The following CYP2J2 variants were observed in gnomAD, a reference collection of about 807,000 sequenced individuals.
The protein encoded by CYP2J2 is cytochrome P450 2J2.
CYP2J2 carries 41 observed loss-of-function variants against 48.8 expected under a neutral mutation model. The observed-to-expected ratio is 0.84, with a 90% CI of 0.66 to 1.09. The LOEUF (loss-of-function observed/expected upper bound fraction) is 1.09, where lower values mean the gene tolerates loss of function less well. Among genes scored for constraint, CYP2J2 ranks in the 50% least tolerant of loss-of-function variants. CYP2J2 has a pLI of 0.00. For missense variants in CYP2J2, 644 were observed against 617.3 expected (o/e 1.04, Z -0.46); for synonymous variants, 221 against 227.1 (o/e 0.97, Z 0.24).
intron 6 of CYP2J2, among the ~76,000 whole-genome samples, chr1:59,905,302 A>C (rs996390472): frequency 6.6e-5 from 10 of 152,210 alleles, no homozygotes; most frequent in African/African-American, 2.2e-4. Flanking sequence ...TCATTACATC[A>C]GACCCCAGCG....
At chr1:59,934,989 GATATATATATATATATATAT>G in the CYP2J2 span, among the ~76,000 whole-genome samples, 1 of 58,390 alleles carries the variant, frequency 1.7e-5, no homozygotes, top group Non-Finnish European at 3.5e-5. Context: ...AAGAAAATGG[GATATATATATATATATATAT>G]ATATACATAT....
intron 5 of CYP2J2, among the ~76,000 whole-genome samples, chr1:59,908,926 C>T (rs1299982478): frequency 1.3e-5 from 2 of 152,194 alleles, no homozygotes; most frequent in Non-Finnish European, 2.9e-5. Context: ...TAAACTCTGG[C>T]ATCCAACTCA....
chr1:59,960,268 G>A, the CYP2J2 span, among the ~76,000 whole-genome samples: 2 of 152,166 alleles, frequency 1.3e-5, no homozygotes, highest in Non-Finnish European at 2.9e-5. Context: ...TAATTCTCAT[G>A]GAGAAACTCT....
At chr1:59,900,270 C>G (rs1644305603) in intron 8 of CYP2J2, among the ~76,000 whole-genome samples, 1 of 152,146 alleles carries the variant, frequency 6.6e-6, no homozygotes, top group Admixed American at 6.5e-5. Flanking sequence ...TATAAATCAG[C>G]TCTATTTCTG....
At chr1:59,960,429 A>G in the CYP2J2 span, among the ~76,000 whole-genome samples, 3 of 152,216 alleles carry the variant, frequency 2.0e-5, no homozygotes, top group East Asian at 5.8e-4. Context: ...GTAGATACAC[A>G]GGGGAAAGTA....
At chr1:59,903,694 T>A (rs1055464303) in intron 7 of CYP2J2, among the ~76,000 whole-genome samples, 21 of 152,040 alleles carry the variant, frequency 1.4e-4, no homozygotes, top group African/African-American at 4.6e-4. Flanking sequence ...AAAGAAAGAG[T>A]TCCACTTGTG....
At chr1:59,964,383 G>T in the CYP2J2 span, among the ~76,000 whole-genome samples, 1 of 152,114 alleles carries the variant, frequency 6.6e-6, no homozygotes, top group African/African-American at 2.4e-5. Context: ...TGCTACTTAC[G>T]TACTCCAGGA....
rs1574245454 is a variant in CYP2J2, at chr1:59,898,527, A to G, written c.1330+2438T>C. On this transcript the variant is annotated intron_variant, in intron 8 of 8. Transcript: ENST00000371204. ...GACTTGTGAGCAATAATTCATGCTT[A>G]CTGTTTTAAGCTGCAGAGTTTTGGA... Among the ~76,000 whole-genome samples the G allele has an allele frequency of 2.0e-5, 3 of 152,238 alleles. 1 individual carries two copies. Among genetic ancestry groups the G allele is most frequent in the South Asian group, 4.1e-4 (2 of 4,834 alleles).
In CYP2J2 at chr1:59,926,762, C is replaced by T. The variant is rs1644569523; in HGVS notation, c.-16G>A. Reference sequence around the variant, plus strand: ...CCGCGAGCATGGCTCAGACGTCCTCCTGCTCTTCTGCGGTCCAAGCAGGCG... The same window carrying T: ...CCGCGAGCATGGCTCAGACGTCCTCTTGCTCTTCTGCGGTCCAAGCAGGCG... On this transcript the variant is annotated 5_prime_UTR_variant, in exon 1 of 9. Transcript: ENST00000371204. 2 of 1,601,510 alleles carry T rather than the reference C, an allele frequency of 1.2e-6. No individual in the cohort carries two copies. The highest frequency in any genetic ancestry group is 4.5e-5 in the East Asian group (2 of 44,386).
intron 8 of CYP2J2, among the ~76,000 whole-genome samples, chr1:59,899,264 T>C (rs937251078): frequency 6.6e-5 from 10 of 152,228 alleles, no homozygotes; most frequent in Non-Finnish European, 1.5e-4. Flanking sequence ...CAAACTCTTG[T>C]AGACAGGAAG....
upstream of CYP2J2, among the ~76,000 whole-genome samples, chr1:59,930,123 G>T (rs1644596088): frequency 6.6e-6 from 1 of 152,128 alleles, no homozygotes. Flanking sequence ...TATTCTAAGT[G>T]CTAAAAGAAA....
the CYP2J2 span, among the ~76,000 whole-genome samples, chr1:59,933,033 A>G: frequency 6.6e-6 from 1 of 152,230 alleles, no homozygotes; most frequent in African/African-American, 2.4e-5. Flanking sequence ...CAATGTATTC[A>G]GTGATTATAG....
chr1:59,930,461 T>C (rs989277120), upstream of CYP2J2, among the ~76,000 whole-genome samples: 21 of 152,178 alleles, frequency 1.4e-4, no homozygotes, highest in Non-Finnish European at 1.6e-4. Context: ...AAGTAGCATC[T>C]TATTGTGATT....
chr1:59,946,505 C>T, the CYP2J2 span, among the ~76,000 whole-genome samples: 2 of 152,142 alleles, frequency 1.3e-5, no homozygotes, highest in African/African-American at 4.8e-5. Flanking sequence ...TCCTCTGCTC[C>T]CCACACTAGA....
the CYP2J2 span, among the ~76,000 whole-genome samples, chr1:59,961,372 A>G: frequency 6.6e-6 from 1 of 152,226 alleles, no homozygotes; most frequent in Non-Finnish European, 1.5e-5. Flanking sequence ...AGCATTAAAG[A>G]TGTTCAACAT....
At chr1:59,911,824 T>TACTGAGAGTCTACTTTACATG in intron 3 of CYP2J2, 56 bp from the exon 4 acceptor site, 1 of 1,545,892 alleles carries the variant, frequency 6.5e-7, no homozygotes, top group Non-Finnish European at 8.8e-7. Flanking sequence ...CTCCATTTCC[T>TACTGAGAGTCTACTTTACATG]ACTGAGAGTC....
chr1:59,962,085 A>G, the CYP2J2 span, among the ~76,000 whole-genome samples: 1 of 152,164 alleles, frequency 6.6e-6, no homozygotes, highest in Non-Finnish European at 1.5e-5. Flanking sequence ...AAAACATTTA[A>G]TTGTATATTT....
intron 1 of CYP2J2, 144 bp from the exon 2 acceptor site, chr1:59,916,244 T>A (rs968342596): frequency 1.6e-5 from 9 of 577,164 alleles, no homozygotes; most frequent in African/African-American, 1.9e-5. Context: ...TGTGTGTGTG[T>A]GAGTGAGTGT....
chr1:59,968,082 C>T, the CYP2J2 span, among the ~76,000 whole-genome samples: 2 of 152,102 alleles, frequency 1.3e-5, no homozygotes, highest in African/African-American at 2.4e-5. Flanking sequence ...CGGGGATCTC[C>T]AGCTGTGGAT....
Sources: gnomAD v4.1 joint callset for allele counts (sites outside exome capture counted in the v4.1 genomes callset) on GRCh38, gnomAD v4.1.1 for gene constraint, MANE v1.5 for transcripts, NCBI Gene and HGNC (gene_info 2026-07-23, HGNC 2026-07-21) for gene names.